MKNK1: variants seen among roughly 807,000 people sequenced by gnomAD.
The protein encoded by MKNK1 is MAP kinase-interacting serine/threonine-protein kinase 1.
MKNK1 carries 30 observed loss-of-function variants against 49.3 expected under a neutral mutation model. The ratio of observed to expected loss-of-function variants is 0.61; its 90% confidence interval spans 0.46 to 0.83. The LOEUF (loss-of-function observed/expected upper bound fraction) is 0.83. Ranked by LOEUF, MKNK1 falls within the 40% of genes least tolerant of loss-of-function variation. The pLI, the probability that MKNK1 is intolerant of heterozygous loss-of-function variation, is 0.00. For synonymous variants in MKNK1, 176 were observed against 201.7 expected (o/e 0.87, Z 1.08); for missense variants, 423 against 524.7 (o/e 0.81, Z 1.89).
At chr1:46,583,986 G>A (rs1002307049) in intron 2 of MKNK1, among the ~76,000 whole-genome samples, 3 of 152,200 alleles carry the variant, frequency 2.0e-5, no homozygotes, top group Non-Finnish European at 4.4e-5. Flanking sequence ...TTCAGAAGTC[G>A]GCAGTTGACA....
At chr1:46,578,021 G>A (rs922507388) in intron 4 of MKNK1, among the ~76,000 whole-genome samples, 1 of 152,224 alleles carries the variant, frequency 6.6e-6, no homozygotes, top group African/African-American at 2.4e-5. Context: ...AAACCACAGT[G>A]GGCCCATTAT....
At chr1:46,574,126 C>T (rs1670609061) in intron 6 of MKNK1, 1 of 152,238 alleles carries the variant, frequency 6.6e-6, no homozygotes, top group Non-Finnish European at 1.5e-5. Flanking sequence ...GCCTACCAGA[C>T]ACTGTCCTAA....
intron 7 of MKNK1, chr1:46,569,875 T>C (rs1669790902): frequency 6.6e-6 from 1 of 152,228 alleles, no homozygotes; most frequent in Non-Finnish European, 1.5e-5. Flanking sequence ...TAGGCGCCCA[T>C]GGCCCAGTCG....
At position 46,587,287 on chromosome 1, in the gene MKNK1, G is replaced by A. The variant is rs993892038; in HGVS notation, c.-2-3958C>T. 7.9e-5 allele frequency among the ~76,000 whole-genome samples: 12 copies of A among 152,326 alleles called. 1 individual carries two copies. The highest frequency in any genetic ancestry group is 5.9e-4 in the Admixed American group (9 of 15,302). ...TTGCCTTCCTCTTGGGAACGGCTCG[G>A]CGGTCCACCACATGTGTCTATTAGT... On this transcript the variant is annotated intron_variant, in intron 2 of 12. Coordinates refer to ENST00000371945, the MANE Select transcript of MKNK1 (RefSeq NM_001135553.4).
At position 46,600,138 on chromosome 1, in the gene MKNK1, T is replaced by C. The variant is rs549003302; in HGVS notation, c.-171+4047A>G. Among the ~76,000 whole-genome samples the C allele has an allele frequency of 5.3e-5, 8 of 152,334 alleles. No individual in the cohort carries two copies. The East Asian group carries it at 7.7e-4, about 15-fold the overall frequency. On this transcript the variant is annotated intron_variant, in intron 1 of 12. Coordinates refer to ENST00000371945, the MANE Select transcript of MKNK1 (RefSeq NM_001135553.4). ...AATCCTCTGGTCATGCTGGGATTGA[T>C]TTCTCCTTCTTCCAAACTCCCACTT... is the stretch of plus-strand genomic sequence containing the variant.
intron 12 of MKNK1, chr1:46,559,870 C>T (rs111672715): frequency 3.0e-6 from 1 of 335,724 alleles, no homozygotes; most frequent in African/African-American, 2.1e-5. Flanking sequence ...CGTACGTGCC[C>T]CTCACTTCTG....
intron 2 of MKNK1, among the ~76,000 whole-genome samples, chr1:46,591,771 T>C (rs1390859034): frequency 2.0e-5 from 3 of 152,194 alleles, no homozygotes; most frequent in African/African-American, 7.2e-5. Context: ...ATCCCACATG[T>C]GCTTTTCCTT....
At chr1:46,577,817 T>C (rs1671198784) in intron 4 of MKNK1, among the ~76,000 whole-genome samples, 1 of 152,244 alleles carries the variant, frequency 6.6e-6, no homozygotes, top group Non-Finnish European at 1.5e-5. Flanking sequence ...TGGACCCATC[T>C]GGAGCCTCAA....
chr1:46,573,215 C>T (rs536375113), intron 6 of MKNK1, among the ~76,000 whole-genome samples: 6 of 152,316 alleles, frequency 3.9e-5, no homozygotes, highest in Admixed American at 1.3e-4. Context: ...GTCAGGCCTC[C>T]GAGTCTGTGC....
At chr1:46,581,364 G>C (rs1671704742) in intron 3 of MKNK1, among the ~76,000 whole-genome samples, 1 of 151,986 alleles carries the variant, frequency 6.6e-6, no homozygotes, top group Non-Finnish European at 1.5e-5. Flanking sequence ...ACAAAAATTA[G>C]CTGGGTGTGG....
chr1:46,586,045 G>C, intron 2 of MKNK1: 2 of 692,030 alleles, frequency 2.9e-6, no homozygotes, highest in Admixed American at 4.8e-5. Flanking sequence ...GTTACACAGG[G>C]GGAAGCGAGA....
rs141126024 is a variant in MKNK1 at position 46,583,316 on chromosome 1, G to C, written c.12C>G (p.Ser4Arg). Residue 4 changes from serine to arginine, a missense_variant, in exon 3 of 13, where the codon AGC becomes AGG. Transcript: ENST00000371945. MGSSEPLPIADGDR... is the reference protein window; with the variant it reads MGSREPLPIADGDR... ...CACCATCTGCGATGGGAAGGGGTTC[G>C]CTACTGCCCATCTCTAGGAGATAAG... 6.2e-7 allele frequency: 1 copy of C among 1,613,116 alleles called. No individual in the cohort carries two copies. Among genetic ancestry groups the C allele is most frequent in the South Asian group, 1.1e-5 (1 of 91,036 alleles).
At chr1:46,576,502 T>C (rs887136175) in intron 5 of MKNK1, 73 bp downstream of exon 5, 5 of 1,245,974 alleles carry the variant, frequency 4.0e-6, no homozygotes, top group Non-Finnish European at 5.9e-6. Flanking sequence ...AGTCAGGAGA[T>C]GGTAAGAAAT....
At chr1:46,564,442 G>C (rs1236692757) in intron 9 of MKNK1, among the ~76,000 whole-genome samples, 1 of 148,928 alleles carries the variant, frequency 6.7e-6, no homozygotes, top group African/African-American at 2.5e-5. Flanking sequence ...CAGGAGTCAG[G>C]GCTCAGCCTG....
At chr1:46,602,086 G>C (rs551105776) in intron 1 of MKNK1, among the ~76,000 whole-genome samples, 1 of 152,086 alleles carries the variant, frequency 6.6e-6, no homozygotes. Context: ...ATAAGCAAAG[G>C]CTCGAGCAGG....
At chr1:46,594,884 G>T (rs1310565482) in intron 1 of MKNK1, 1 of 404,824 alleles carries the variant, frequency 2.5e-6, no homozygotes, top group Non-Finnish European at 4.9e-6. Flanking sequence ...CTGCTTGGGA[G>T]GCTGAGGTGG....
intron 3 of MKNK1, chr1:46,582,954 C>T (rs1375326034): frequency 6.5e-5 from 40 of 610,978 alleles, no homozygotes; most frequent in Non-Finnish European, 1.1e-4. Context: ...GGCAATGCCA[C>T]TGATAGATGG....
chr1:46,578,573 G>A (rs1671303113), intron 4 of MKNK1, among the ~76,000 whole-genome samples: 1 of 150,930 alleles, frequency 6.6e-6, no homozygotes, highest in African/African-American at 2.5e-5. Flanking sequence ...ACCGCATTTA[G>A]ACAGATATAT....
At chr1:46,574,799 C>T (rs568630240) in intron 6 of MKNK1, 148 bp downstream of exon 6, 7 of 587,412 alleles carry the variant, frequency 1.2e-5, no homozygotes, top group Middle Eastern at 2.6e-4. Context: ...TTCCCTCCGG[C>T]CTCCCTTCTC....
Sources: gnomAD v4.1 joint callset for allele counts (sites outside exome capture counted in the v4.1 genomes callset) on GRCh38, gnomAD v4.1.1 for gene constraint, MANE v1.5 for transcripts, NCBI Gene and HGNC (gene_info 2026-07-23, HGNC 2026-07-21) for gene names.